Variants in NARF observed in about 807,000 individuals in gnomAD.
NARF encodes iron-only hydrogenase-like protein 2.
A neutral mutation model predicts 48.0 loss-of-function variants in NARF; 41 were observed. The observed-to-expected ratio is 0.85, with a 90% confidence interval of 0.66 to 1.11. The LOEUF (loss-of-function observed/expected upper bound fraction) is 1.11. Ranked by LOEUF, NARF falls within the 50% of genes least tolerant of loss-of-function variation. The pLI is 0.00. For missense variants in NARF, 613 were observed against 590.2 expected, an observed-to-expected ratio of 1.04 and a Z score of -0.40; for synonymous variants, 215 against 225.5, an observed-to-expected ratio of 0.95 and a Z score of 0.42.
intron 3 of NARF, chr17:82,468,423 T>A (rs2043621906): frequency 4.2e-6 from 1 of 237,044 alleles, no homozygotes; most frequent in Admixed American, 5.3e-5. Flanking sequence ...TGTTCCTAAG[T>A]GTGATTATAG....
Position 82,468,833 on chromosome 17 carries a change from G to A in NARF, c.322G>A (p.Ala108Thr). 1.2e-6 allele frequency: 2 copies of A among 1,614,118 alleles called. No individual in the cohort carries two copies. Among genetic ancestry groups the A allele is most frequent in the Non-Finnish European group, 1.7e-6 (2 of 1,179,996 alleles). ...VCPQSLPYFAAKFNLSVTDAS... is the reference protein window; with the variant it reads ...VCPQSLPYFATKFNLSVTDAS... ...TCCTCAATCTTTGCCTTATTTTGCT[G>A]CTAAATTCAACCTCAGTGTAACTGA... Residue 108 changes from alanine (A) to threonine (T), a missense_variant, in exon 4 of 11, where the codon GCT (alanine) becomes ACT (threonine). By Grantham distance (58) the Ala-to-Thr change is moderately conservative. Transcript: ENST00000309794.
chr17:82,468,060 C>T (rs945380563), intron 3 of NARF, among the ~76,000 whole-genome samples: 5 of 152,076 alleles, frequency 3.3e-5, no homozygotes, highest in African/African-American at 1.2e-4. Context: ...ACCTGTAATC[C>T]CAGCACTTTG....
chr17:82,458,260 G>C (rs906669157), upstream of NARF: 1 of 152,282 alleles, frequency 6.6e-6, no homozygotes, highest in Admixed American at 6.5e-5. Context: ...GGCCCGCCCC[G>C]TTAGGAGCCG....
intron 9 of NARF, 24 bp downstream of exon 9, chr17:82,484,974 G>A: frequency 1.9e-6 from 3 of 1,578,356 alleles, no homozygotes; most frequent in Non-Finnish European, 2.6e-6. Context: ...TCCACAGCCT[G>A]TCTGTGCCTG....
At chr17:82,484,988 T>G (rs1453796736) in intron 9 of NARF, 38 bp downstream of exon 9, 10 of 1,560,808 alleles carry the variant, frequency 6.4e-6, no homozygotes, top group African/African-American at 1.4e-5. Context: ...GTGCCTGTGG[T>G]TAGCACGTGT....
At chr17:82,460,122 T>C (rs376538567) in intron 2 of NARF, 50 bp downstream of exon 2, 124 of 1,504,888 alleles carry the variant, frequency 8.2e-5, no homozygotes, top group Non-Finnish European at 1.1e-4. Flanking sequence ...CTACTGCTGC[T>C]GTTTTTCTCT....
Position 82,485,505 on chromosome 17 carries a change from A to C in NARF, c.980A>C (p.Asp327Ala). The C allele has an allele frequency of 6.2e-7, 1 of 1,614,022 alleles. No individual in the cohort carries two copies. Among genetic ancestry groups the C allele is most frequent in the Non-Finnish European group, 8.5e-7 (1 of 1,179,934 alleles). Reference protein sequence around the residue: ...EVTYRALRNKDFQEVTLEKNG... With the variant: ...EVTYRALRNKAFQEVTLEKNG... ...CTGTGTTCATTTTGTAGAAACAAAG[A>C]CTTCCAAGAGGTCACCCTTGAGAAG... Residue 327 changes from aspartate to alanine, a missense_variant, in exon 10 of 11, where the codon GAC (aspartate) becomes GCC (alanine). Asp to Ala is a moderately radical substitution (Grantham distance 126, BLOSUM62 -2). Coordinates refer to ENST00000309794, the MANE Select transcript of NARF (RefSeq NM_012336.4).
chr17:82,488,415 A>T lies in NARF; in HGVS notation c.*258A>T. 2.4e-6 allele frequency: 1 copy of T among 417,944 alleles called. No individual in the cohort carries two copies. Among genetic ancestry groups the T allele is most frequent in the South Asian group, 3.0e-5 (1 of 33,384 alleles). The allele number at this position is 417,944 out of a possible 1,614,324, so 25.9% of individuals were successfully genotyped here. Reference sequence around the variant, plus strand: ...TTTTGAGACGGAGTCTCACTCTGTCACCCAGGCTGGAGTGCAATGGCGCAA... The same window carrying T: ...TTTTGAGACGGAGTCTCACTCTGTCTCCCAGGCTGGAGTGCAATGGCGCAA... On this transcript the variant is annotated 3_prime_UTR_variant, in exon 11 of 11. Transcript: ENST00000309794.
At chr17:82,476,302 C>T (rs1304260255) in intron 5 of NARF, among the ~76,000 whole-genome samples, 1 of 151,556 alleles carries the variant, frequency 6.6e-6, no homozygotes, top group Admixed American at 6.6e-5. Flanking sequence ...CCACCATGCC[C>T]GGCTAATTTT....
At chr17:82,486,504 T>C (rs1243174334) in intron 10 of NARF, among the ~76,000 whole-genome samples, 1 of 151,848 alleles carries the variant, frequency 6.6e-6, no homozygotes, top group East Asian at 1.9e-4. Context: ...ACAAAGGATC[T>C]CGTAGAGGAG....
At chr17:82,485,000 C>G in intron 9 of NARF, 50 bp downstream of exon 9, 9 of 1,541,898 alleles carry the variant, frequency 5.8e-6, no homozygotes, top group Non-Finnish European at 7.9e-6. Context: ...AGCACGTGTG[C>G]ATGGTGTGCC....
chr17:82,459,899 A>G (rs913250403), intron 1 of NARF, 93 bp from the exon 2 acceptor site: 6 of 934,444 alleles, frequency 6.4e-6, no homozygotes, highest in Non-Finnish European at 9.9e-6. Context: ...AAGAAAGGAT[A>G]GAAATACATG....
intron 6 of NARF, chr17:82,479,237 G>GCTGC (rs2043905825): frequency 4.9e-6 from 1 of 203,662 alleles, no homozygotes; most frequent in Non-Finnish European, 1.0e-5. Context: ...GCCCAGAGAT[G>GCTGC]CTGCCTGCCT....
chr17:82,483,337 A>G (rs2044017914), intron 7 of NARF: 2 of 314,980 alleles, frequency 6.3e-6, no homozygotes, highest in African/African-American at 4.5e-5. Flanking sequence ...AAAAAATGCA[A>G]CCAGTGTATA....
intron 5 of NARF, 187 bp from the exon 6 acceptor site, chr17:82,478,613 C>T (rs1004118799): frequency 1.5e-6 from 1 of 678,610 alleles, no homozygotes; most frequent in Non-Finnish European, 2.7e-6. Flanking sequence ...TGCAGGTTCC[C>T]ATGACCCACA....
intron 10 of NARF, among the ~76,000 whole-genome samples, chr17:82,486,779 T>TGGAACCCATGGGGA (rs1419346793): frequency 2.6e-5 from 4 of 152,180 alleles, no homozygotes; most frequent in Non-Finnish European, 4.4e-5. Flanking sequence ...GGTGCCACCC[T>TGGAACCCATGGGGA]GGAACCCATG....
intron 5 of NARF, among the ~76,000 whole-genome samples, chr17:82,472,939 A>G (rs2043747146): frequency 6.6e-6 from 1 of 151,074 alleles, no homozygotes. Context: ...ATTTTATTTT[A>G]TTTTTATTAT....
At position 82,483,722 on chromosome 17, in the gene NARF, T is replaced by C; in HGVS notation, c.776T>C (p.Ile259Thr). 1 of 1,613,970 alleles carries C rather than the reference T, an allele frequency of 6.2e-7. No individual in the cohort carries two copies. The highest frequency in any genetic ancestry group is 1.3e-5 in the African/African-American group (1 of 75,034). ...TTACTTCGTTTGTCTGCAGGTGAAATTGCTCAAATAATGGAGCAAGGTGAC... is the reference window on the plus strand; with the variant it reads ...TTACTTCGTTTGTCTGCAGGTGAAACTGCTCAAATAATGGAGCAAGGTGAC... ...GADCVLTSGE[I>T]AQIMEQGDLS... The change falls in exon 8 of 11, where the codon ATT becomes ACT. Residue 259 changes from isoleucine (I) to threonine (T), a missense_variant. Transcript: ENST00000309794.
Position 82,469,293 on chromosome 17 carries a change from C to T in NARF, c.385+397C>T, listed in dbSNP as rs528157743. On this transcript the variant is annotated intron_variant, in intron 4 of 10. Transcript: ENST00000309794. ...CTGAAATGATTAGTATCTGGTTTCC[C>T]AAGAAGCTCTCTGAAGAGCAGAGCA... 4.4e-4 allele frequency among the ~76,000 whole-genome samples: 67 copies of T among 152,304 alleles called. No homozygotes were observed. The South Asian group carries it at 5.8e-3, about 13-fold the overall frequency.
Sources: gnomAD v4.1 joint callset for allele counts (sites outside exome capture counted in the v4.1 genomes callset) on GRCh38, gnomAD v4.1.1 for gene constraint, MANE v1.5 for transcripts, NCBI Gene and HGNC (gene_info 2026-07-23, HGNC 2026-07-21) for gene names.